Variants in ABCC11 observed in about 807,000 individuals in gnomAD.
ABCC11 encodes the protein ATP-binding cassette sub-family C member 11.
In ABCC11, 135 loss-of-function variants were observed where a neutral mutation model predicts 149.3. The observed-to-expected ratio is 0.90, with a 90% CI of 0.79 to 1.04. The LOEUF (loss-of-function observed/expected upper bound fraction) is 1.04, where lower values mean the gene tolerates loss of function less well. Among genes scored for constraint, ABCC11 ranks in the 50% least tolerant of loss-of-function variants. The pLI is 0.00. For missense variants in ABCC11, 1,680 were observed against 1,722.1 expected, an observed-to-expected ratio of 0.98 and a Z score of 0.43; for synonymous variants, 665 against 671.4, an observed-to-expected ratio of 0.99 and a Z score of 0.15.
At chr16:48,224,209 A>T in intron 5 of ABCC11, 73 bp downstream of exon 5, 1 of 1,520,072 alleles carries the variant, frequency 6.6e-7, no homozygotes, top group Non-Finnish European at 8.9e-7. Flanking sequence ...CATGGACTTG[A>T]ACATGCCCGC....
In ABCC11 at chr16:48,187,038, A is replaced by G. The variant is rs753039960; in HGVS notation, c.2986T>C (p.Ser996Pro). 6.2e-7 allele frequency: 1 copy of G among 1,614,084 alleles called. No homozygotes were observed. The highest frequency in any genetic ancestry group is 8.5e-7 in the Non-Finnish European group (1 of 1,180,008). The change falls in exon 22 of 30, where the codon TCT (serine) becomes CCT (proline). Residue 996 changes from serine to proline, a missense_variant. By Grantham distance (74) the Ser-to-Pro change is moderately conservative. Transcript: ENST00000356608. ...VFKRLENYSRSPLFSHILNSL... is the reference protein window; with the variant it reads ...VFKRLENYSRPPLFSHILNSL... The stretch of plus-strand genomic sequence containing the variant: ...TTGAGGATGTGGGAGAATAAAGGAG[A>G]CCGGCTATAGTTCTCCAGTCTCTTG...
chr16:48,223,351 C>T (rs1050863273), intron 5 of ABCC11, among the ~76,000 whole-genome samples: 3 of 152,260 alleles, frequency 2.0e-5, no homozygotes, highest in Middle Eastern at 6.8e-3. Context: ...CATCTTCTTC[C>T]TCCTTCCAGT....
At chr16:48,237,775 C>A (rs1466605414) in intron 1 of ABCC11, among the ~76,000 whole-genome samples, 1 of 152,092 alleles carries the variant, frequency 6.6e-6, no homozygotes, top group African/African-American at 2.4e-5. Context: ...TCCTCAAACA[C>A]CCTAAATTCA....
Position 48,241,339 on chromosome 16 carries a change from T to A in ABCC11, c.-19+5975A>T, listed in dbSNP as rs932736552. The stretch of plus-strand genomic sequence containing the variant: ...ATTGAATGAACTTCTACAAAATAAC[T>A]GACTGATATCCTTCAAAAGTATCAA... On this transcript the variant is annotated intron_variant, in intron 1 of 29. Coordinates refer to ENST00000356608, the MANE Select transcript of ABCC11 (RefSeq NM_001370497.1). Among the ~76,000 whole-genome samples, 4 of 152,314 alleles carry A rather than the reference T, an allele frequency of 2.6e-5. No homozygotes were observed. In the South Asian group the frequency reaches 6.2e-4, roughly 24 times the overall value.
At chr16:48,225,462 TATCC>T (rs2150904247) in intron 4 of ABCC11, among the ~76,000 whole-genome samples, 1 of 152,360 alleles carries the variant, frequency 6.6e-6, no homozygotes, top group South Asian at 2.1e-4. Flanking sequence ...GATTTTTATT[TATCC>T]TGTAGGATCT....
At position 48,170,219 on chromosome 16, in the gene ABCC11, C is replaced by A. The variant is rs60681475; in HGVS notation, c.3778-1G>T. 4.3e-6 allele frequency: 7 copies of A among 1,610,776 alleles called. No individual in the cohort carries two copies. In the African/African-American group the frequency reaches 9.4e-5, roughly 22 times the overall value. On this transcript the variant is annotated splice_acceptor_variant, in intron 27 of 29. Coordinates refer to ENST00000356608, the MANE Select transcript of ABCC11 (RefSeq NM_001370497.1). LOFTEE classifies it high-confidence loss of function. Reference sequence around the variant, plus strand: ...GCAGCTTTTTGGGGAACTTTGAGATCTGCGATATGGGAAGAAGAGACAACA... The same window carrying A: ...GCAGCTTTTTGGGGAACTTTGAGATATGCGATATGGGAAGAAGAGACAACA...
intron 20 of ABCC11, 40 bp from the exon 21 acceptor site, chr16:48,187,467 C>T: frequency 2.0e-6 from 3 of 1,524,862 alleles, no homozygotes; most frequent in Non-Finnish European, 2.7e-6. Flanking sequence ...AGAGAAGCTG[C>T]AGGCCCTGCT....
intron 1 of ABCC11, among the ~76,000 whole-genome samples, 182 bp downstream of exon 1, chr16:48,247,132 C>T (rs1971434299): frequency 6.6e-6 from 1 of 152,296 alleles, no homozygotes; most frequent in Non-Finnish European, 1.5e-5. Flanking sequence ...ACTTAAAAAG[C>T]CTATGTGGAA....
At chr16:48,205,749 A>G (rs1446505512) in intron 12 of ABCC11, among the ~76,000 whole-genome samples, 2 of 152,020 alleles carry the variant, frequency 1.3e-5, no homozygotes, top group Admixed American at 1.3e-4. Context: ...AGATAAGCCC[A>G]GCCAGGTCCT....
chr16:48,178,567 C>T (rs1289702012), intron 24 of ABCC11, 30 bp downstream of exon 24: 6 of 1,608,956 alleles, frequency 3.7e-6, no homozygotes, highest in Non-Finnish European at 5.1e-6. Flanking sequence ...TTGCATGGCT[C>T]CCCACACCAG....
intron 1 of ABCC11, among the ~76,000 whole-genome samples, chr16:48,236,891 T>C (rs1185494787): frequency 6.6e-6 from 1 of 152,206 alleles, no homozygotes; most frequent in Non-Finnish European, 1.5e-5. Flanking sequence ...TTGTTTATTG[T>C]GGTTGTTGGG....
chr16:48,179,730 G>A (rs1484912278), intron 23 of ABCC11, among the ~76,000 whole-genome samples: 1 of 152,226 alleles, frequency 6.6e-6, no homozygotes. Context: ...GAGGGGCCCT[G>A]GATGAGGGCA....
chr16:48,214,978 C>T lies in ABCC11; in HGVS notation c.1151G>A (p.Ser384Asn). 1.9e-6 allele frequency: 3 copies of T among 1,614,172 alleles called. No individual in the cohort carries two copies. Among genetic ancestry groups the T allele is most frequent in the Non-Finnish European group, 2.5e-6 (3 of 1,180,032 alleles). ...GATGAACAAGGTTATACTTGTCAGG[C>T]TCTGGACAAGCCCGCACTTCTCCAA... ...KLLEKCGLVQ[S>N]LTSITLFIIP... The change falls in exon 9 of 30, where the codon AGC becomes AAC. Residue 384 changes from serine (S) to asparagine (N), a missense_variant. By Grantham distance (46) the Ser-to-Asn change is conservative. Transcript: ENST00000356608.
chr16:48,192,903 C>T (rs1375933591), intron 19 of ABCC11, among the ~76,000 whole-genome samples, 186 bp from the exon 20 acceptor site: 1 of 152,226 alleles, frequency 6.6e-6, no homozygotes, highest in African/African-American at 2.4e-5. Flanking sequence ...TGCCCTGCAT[C>T]AGGCCCTCAG....
intron 11 of ABCC11, 112 bp from the exon 12 acceptor site, chr16:48,208,608 A>C: frequency 8.7e-7 from 1 of 1,146,290 alleles, no homozygotes. Context: ...AAAACAAAAT[A>C]ACCACACAGA....
intron 1 of ABCC11, among the ~76,000 whole-genome samples, chr16:48,240,220 C>T (rs1252158930): frequency 6.6e-6 from 1 of 152,138 alleles, no homozygotes. Context: ...AAGGTACATG[C>T]ACACGTATGT....
rs1374682843 is a variant in ABCC11, at chr16:48,222,725, G to T, written c.650C>A (p.Ser217Tyr). 1 of 1,614,234 alleles carries T rather than the reference G, an allele frequency of 6.2e-7. No individual in the cohort carries two copies. The highest frequency in any genetic ancestry group is 8.5e-7 in the Non-Finnish European group (1 of 1,180,030). The change falls in exon 6 of 30, where the codon TCT becomes TAT. Residue 217 changes from serine (S) to tyrosine (Y), a missense_variant. Physicochemically the swap from Ser to Tyr is moderately radical, Grantham distance 144 (BLOSUM62 -2). Transcript: ENST00000356608. The part of the protein sequence containing the change: ...FALFLSECVK[S>Y]LSFSSSWIIN... ...GATCCAACTGGAGGAGAAACTCAGA[G>T]ACTTCACACATTCGGAGAGAAAAAG...
chr16:48,191,835 T>C (rs1047343950), intron 20 of ABCC11, among the ~76,000 whole-genome samples: 2 of 138,184 alleles, frequency 1.4e-5, no homozygotes, highest in African/African-American at 5.5e-5. Context: ...GTTGTGGGGT[T>C]GGGGGACGGG....
intron 11 of ABCC11, chr16:48,210,665 C>T (rs1014741329): frequency 4.8e-6 from 2 of 419,028 alleles, no homozygotes. Flanking sequence ...CCTTTCCCTT[C>T]TCCTTTCTGT....
Sources: allele counts gnomAD v4.1 joint callset (sites outside exome capture counted in the v4.1 genomes callset), GRCh38; gene constraint gnomAD v4.1.1; transcripts MANE v1.5; gene names NCBI Gene and HGNC (gene_info 2026-07-23, HGNC 2026-07-21).